The following VRK2 variants were observed in gnomAD, a reference collection of about 807,000 sequenced individuals.
VRK2 encodes the protein serine/threonine-protein kinase VRK2.
In VRK2, 60 loss-of-function variants were observed where a neutral mutation model predicts 57.6. That is an observed-to-expected ratio of 1.04 (90% CI 0.85 to 1.29). The LOEUF is 1.29. Ranked by LOEUF, VRK2 falls within the 50% of genes most tolerant of loss-of-function variation. VRK2 has a pLI of 0.00. For synonymous variants in VRK2, 231 were observed against 199.2 expected (o/e 1.16, Z -1.35); for missense variants, 705 against 588.1 (o/e 1.20, Z -2.06).
At chr2:58,141,880 C>T (rs1681395794) in intron 11 of VRK2, among the ~76,000 whole-genome samples, 1 of 151,916 alleles carries the variant, frequency 6.6e-6, no homozygotes, top group African/African-American at 2.4e-5. Context: ...AAAAATCATT[C>T]CAAAATGCAT....
At chr2:58,105,123 G>C (rs1020492474) in intron 7 of VRK2, among the ~76,000 whole-genome samples, 10 of 151,846 alleles carry the variant, frequency 6.6e-5, no homozygotes, top group African/African-American at 2.2e-4. Context: ...AGTAAAACAA[G>C]GGAAAGCTCT....
intron 1 of VRK2, among the ~76,000 whole-genome samples, chr2:58,013,225 T>C (rs1673466128): frequency 6.6e-6 from 1 of 152,224 alleles, no homozygotes; most frequent in African/African-American, 2.4e-5. Flanking sequence ...TTAAATATCA[T>C]AACCAAAATT....
intron 3 of VRK2, among the ~76,000 whole-genome samples, chr2:58,038,008 A>T (rs1175420050): frequency 1.3e-5 from 2 of 152,150 alleles, no homozygotes; most frequent in African/African-American, 4.8e-5. Context: ...ACATGCCAAT[A>T]TAGGAATTAG....
Position 58,013,248 on chromosome 2 carries a change from G to A in VRK2, c.-438-12417G>A, listed in dbSNP as rs564302935. ...CATAACCAAAATTTGATTATTACCA[G>A]TACATAACTTGTATGCATTTGCAGA... On this transcript the variant is annotated intron_variant, in intron 1 of 15. Transcript: ENST00000417641. Among the ~76,000 whole-genome samples the A allele has an allele frequency of 5.9e-5, 9 of 152,228 alleles. No homozygotes were observed. In the East Asian group the frequency reaches 1.7e-3, roughly 29 times the overall value.
intron 1 of VRK2, among the ~76,000 whole-genome samples, chr2:57,940,874 C>T (rs1359753312): frequency 1.3e-5 from 2 of 151,504 alleles, no homozygotes; most frequent in Non-Finnish European, 2.9e-5. Context: ...AACTCATCTG[C>T]ATCCTGCTCT....
intron 2 of VRK2, among the ~76,000 whole-genome samples, chr2:58,070,085 C>T (rs1035759690): frequency 2.0e-5 from 3 of 152,086 alleles, no homozygotes; most frequent in African/African-American, 7.2e-5. Flanking sequence ...TTATAGTTTT[C>T]TTTATTACTA....
At chr2:58,118,359 C>T (rs1036960481) in intron 7 of VRK2, among the ~76,000 whole-genome samples, 5 of 152,326 alleles carry the variant, frequency 3.3e-5, no homozygotes, top group African/African-American at 1.2e-4. Flanking sequence ...GGAAGGCTGC[C>T]GTCCCAGTCC....
intron 1 of VRK2, among the ~76,000 whole-genome samples, chr2:57,967,600 T>A (rs1467422030): frequency 1.3e-5 from 2 of 152,170 alleles, no homozygotes. Context: ...CGTGAGGCAG[T>A]TGATACAATA....
At chr2:58,116,010 C>T (rs1037227279) in intron 7 of VRK2, among the ~76,000 whole-genome samples, 37 of 152,112 alleles carry the variant, frequency 2.4e-4, no homozygotes, top group African/African-American at 8.0e-4. Flanking sequence ...GTTGATAAGG[C>T]GCAGATTCTG....
chr2:57,993,298 A>G (rs1672827322), intron 1 of VRK2, among the ~76,000 whole-genome samples: 1 of 152,164 alleles, frequency 6.6e-6, no homozygotes, highest in Admixed American at 6.5e-5. Context: ...ACTTAACATC[A>G]TAAAAGTAAA....
At chr2:58,108,416 T>C (rs1010036961) in intron 7 of VRK2, among the ~76,000 whole-genome samples, 1 of 152,130 alleles carries the variant, frequency 6.6e-6, no homozygotes, top group African/African-American at 2.4e-5. Flanking sequence ...GCCAGAAAAA[T>C]CCTTCCGTGA....
intron 1 of VRK2, among the ~76,000 whole-genome samples, chr2:58,013,078 A>G (rs867091869): frequency 1.3e-5 from 2 of 152,194 alleles, no homozygotes; most frequent in Non-Finnish European, 2.9e-5. Context: ...CTATGTTTTT[A>G]TAAAAAAATT....
intron 12 of VRK2, among the ~76,000 whole-genome samples, chr2:58,149,538 G>A (rs921853567): frequency 3.3e-5 from 5 of 150,602 alleles, no homozygotes; most frequent in South Asian, 2.1e-4. Context: ...ATTTTTTATC[G>A]TTGTCTTATT....
intron 1 of VRK2, among the ~76,000 whole-genome samples, chr2:58,024,736 A>G (rs1317203043): frequency 6.6e-6 from 1 of 152,214 alleles, no homozygotes; most frequent in African/African-American, 2.4e-5. Context: ...TGATGCTATC[A>G]TAAAGAATCG....
chr2:58,078,182 A>G (rs1278351377), intron 2 of VRK2, among the ~76,000 whole-genome samples: 2 of 152,100 alleles, frequency 1.3e-5, no homozygotes, highest in East Asian at 3.9e-4. Context: ...GGAAACCAGC[A>G]TTCTACTTTT....
chr2:58,013,084 A>T (rs541718463), intron 1 of VRK2, among the ~76,000 whole-genome samples: 5 of 152,208 alleles, frequency 3.3e-5, no homozygotes, highest in Non-Finnish European at 7.4e-5. Flanking sequence ...TTTTATAAAA[A>T]AATTTAATTC....
chr2:57,963,604 C>T (rs146910740), intron 1 of VRK2, among the ~76,000 whole-genome samples: 20 of 152,284 alleles, frequency 1.3e-4, no homozygotes, highest in African/African-American at 4.6e-4. Flanking sequence ...AATATACTAA[C>T]TGAAGTTTGA....
rs969803024 is a variant in VRK2, at chr2:58,159,607, G to T, written c.1441G>T (p.Glu481Ter). Residue 481 changes from glutamate (E) to a stop codon, truncating the protein, a stop_gained, in exon 13 of 13, where the codon GAA (glutamate) becomes TAA (stop). Coordinates refer to ENST00000340157, the MANE Select transcript of VRK2 (RefSeq NM_006296.7). LOFTEE classifies it high-confidence loss of function. ...WPTISQFTLS[E>*]ETNADVYYYR... is the part of the protein sequence containing the mutation. The stretch of plus-strand genomic sequence containing the variant: ...TACAATTTCCCAGTTTACTCTTAGT[G>T]AAGAGACAAACGCAGATGTTTATTA... 2 of 1,613,816 alleles carry T rather than the reference G, an allele frequency of 1.2e-6. No homozygotes were observed. The highest frequency in any genetic ancestry group is 2.2e-5 in the East Asian group (1 of 44,844).
At chr2:58,131,277 T>A (rs542565465) in intron 8 of VRK2, among the ~76,000 whole-genome samples, 1 of 150,718 alleles carries the variant, frequency 6.6e-6, no homozygotes, top group East Asian at 1.9e-4. Context: ...ACCCTTTTTT[T>A]AATACTGCAC....
Sources: allele counts gnomAD v4.1 joint callset (sites outside exome capture counted in the v4.1 genomes callset), GRCh38; gene constraint gnomAD v4.1.1; transcripts MANE v1.5; gene names NCBI Gene and HGNC (gene_info 2026-07-23, HGNC 2026-07-21).